CDC27: variants seen among roughly 807,000 people sequenced by gnomAD.
The protein encoded by CDC27 is cell division cycle 27.
CDC27 carries 27 observed loss-of-function variants against 109.7 expected under a neutral mutation model. The observed-to-expected ratio is 0.25, with a 90% CI of 0.18 to 0.34. CDC27 has a LOEUF of 0.34. CDC27 is among the 10% of genes least tolerant of loss of function. The pLI is 1.00. For synonymous variants in CDC27, 266 were observed against 333.9 expected (o/e 0.80, Z 2.22); for missense variants, 579 against 960.2 (o/e 0.60, Z 5.25).
chr17:47,154,597 G>A, intron 8 of CDC27, 75 bp downstream of exon 8: 1 of 765,116 alleles, frequency 1.3e-6, no homozygotes, highest in Non-Finnish European at 2.2e-6. Context: ...GATTTTCCCT[G>A]AGATTACCTT....
In CDC27 at chr17:47,157,078, AAGG is replaced by A; in HGVS notation, c.674_676del (p.Ser225del). 1 of 1,596,764 alleles carries A rather than the reference AAGG, an allele frequency of 6.3e-7. No individual in the cohort carries two copies. The highest frequency in any genetic ancestry group is 8.5e-7 in the Non-Finnish European group (1 of 1,171,058). On this transcript the variant is annotated inframe_deletion, in exon 7 of 19. Transcript: ENST00000066544. ...ATAAGACACTGAGGAATCTGTATTC[AAGG>A]AGTACTTTGAATTGGAAGATTCTAA... is the stretch of plus-strand genomic sequence containing the variant.
At chr17:47,125,293 C>G (rs1160905606) in intron 16 of CDC27, among the ~76,000 whole-genome samples, 1 of 116,960 alleles carries the variant, frequency 8.5e-6, no homozygotes, top group Non-Finnish European at 1.6e-5. Context: ...ATCACCCAGG[C>G]TGGAGTGTGG....
At chr17:47,188,921 C>A in intron 1 of CDC27, 1 of 1,385,126 alleles carries the variant, frequency 7.2e-7, no homozygotes, top group Non-Finnish European at 9.4e-7. Context: ...CGGTTATTTT[C>A]GCCGAAGCCG....
intron 4 of CDC27, among the ~76,000 whole-genome samples, chr17:47,158,563 T>C (rs1310299697): frequency 6.6e-6 from 1 of 152,072 alleles, no homozygotes; most frequent in Non-Finnish European, 1.5e-5. Flanking sequence ...TCCTGTCAGA[T>C]ACTAGAGTTA....
In CDC27 at chr17:47,141,760, C is replaced by G. The variant is rs2062799608; in HGVS notation, c.1551+93G>C. 1.0e-5 allele frequency: 7 copies of G among 682,134 alleles called. No individual in the cohort carries two copies. The South Asian group carries it at 1.5e-4, about 15-fold the overall frequency. 42.3% of individuals were successfully genotyped at this position (682,134 alleles called of 1,614,324 possible). A position where few individuals can be genotyped will look rare whatever the true frequency, so the allele number is the denominator to read the frequency against. ...TAGACATTACATAATAAATACTGAT[C>G]TTTTAGATCTAGCCTTCTTAAGCAT... On this transcript the variant is annotated intron_variant, in intron 12 of 18. Coordinates refer to ENST00000066544, the MANE Select transcript of CDC27 (RefSeq NM_001256.6).
At position 47,120,028 on chromosome 17, in the gene CDC27, G is replaced by A. The variant is rs1167744410; in HGVS notation, c.*907C>T. 6.6e-6 allele frequency: 1 copy of A among 152,102 alleles called. No individual in the cohort carries two copies. The highest frequency in any genetic ancestry group is 1.5e-5 in the Non-Finnish European group (1 of 68,004). 9.4% of individuals were successfully genotyped at this position (152,102 alleles called of 1,614,324 possible). ...TATGGTACAATTCTGATTATATTAA[G>A]GCTTTCACTATCATGATCTCTTAAA... On this transcript the variant is annotated 3_prime_UTR_variant, in exon 19 of 19. Transcript: ENST00000066544.
At chr17:47,181,321 CCTAAAG>C (rs1335405239) in intron 2 of CDC27, 2 of 107,914 alleles carry the variant, frequency 1.9e-5, no homozygotes, top group African/African-American at 8.8e-5. Flanking sequence ...GAAAAAAAAA[CCTAAAG>C]ATTGAAAAAT....
chr17:47,172,523 G>GA (rs1348507725), intron 2 of CDC27, among the ~76,000 whole-genome samples: 1 of 151,894 alleles, frequency 6.6e-6, no homozygotes, highest in Non-Finnish European at 1.5e-5. Context: ...AGACCAGATT[G>GA]AAAAAAATCC....
In CDC27 at chr17:47,169,950, C is replaced by A; in HGVS notation, c.344G>T (p.Cys115Phe). 6.3e-7 allele frequency: 1 copy of A among 1,597,750 alleles called. No homozygotes were observed. The highest frequency in any genetic ancestry group is 8.5e-7 in the Non-Finnish European group (1 of 1,172,928). The change falls in exon 4 of 19, where the codon TGC (cysteine) becomes TTC (phenylalanine). Residue 115 changes from cysteine to phenylalanine, a missense_variant. By Grantham distance (205) the Cys-to-Phe change is radical. Transcript: ENST00000066544. ...DIVTEFGDSACFTLSLLGHVY... is the reference protein window; with the variant it reads ...DIVTEFGDSAFFTLSLLGHVY... ...ATGTCCCAACAATGAAAGAGTAAAG[C>A]AAGCTGAATCACCAAACTCAGTAAC...
chr17:47,185,497 A>T (rs1050850409), intron 1 of CDC27, among the ~76,000 whole-genome samples: 3 of 152,104 alleles, frequency 2.0e-5, no homozygotes, highest in African/African-American at 7.2e-5. Context: ...ATCATTATAA[A>T]TTTTTTGTTA....
At chr17:47,166,197 A>G in intron 4 of CDC27, among the ~76,000 whole-genome samples, 1 of 152,178 alleles carries the variant, frequency 6.6e-6, no homozygotes. Flanking sequence ...ATGTGGCCTC[A>G]TGAGTAGAGG....
chr17:47,163,391 A>T (rs573180762), intron 4 of CDC27, among the ~76,000 whole-genome samples: 34 of 152,284 alleles, frequency 2.2e-4, no homozygotes, highest in Non-Finnish European at 4.1e-4. Context: ...CAATCTTTTA[A>T]TCTTGATGAT....
intron 4 of CDC27, chr17:47,159,314 CG>C: frequency 4.5e-6 from 3 of 663,350 alleles, no homozygotes; most frequent in Non-Finnish European, 7.3e-6. Flanking sequence ...TCCAGAGGTC[CG>C]GGGTCAGGTA....
Position 47,137,323 on chromosome 17 carries a change from C to T in CDC27, c.1742G>A (p.Arg581Gln), listed in dbSNP as rs1216224989. 5.6e-6 allele frequency: 9 copies of T among 1,606,754 alleles called. No individual in the cohort carries two copies. Among genetic ancestry groups the T allele is most frequent in the African/African-American group, 2.7e-5 (2 of 74,688 alleles). ...GAATTTAATTGCAATATCATGTTCC[C>T]GTTGCAGACTGAAACAGTTCCCTGC... ...CAAGNCFSLQREHDIAIKFFQ... is the reference protein window; with the variant it reads ...CAAGNCFSLQQEHDIAIKFFQ... The change falls in exon 14 of 19, where the codon CGG (arginine) becomes CAG (glutamine). Residue 581 changes from arginine (R) to glutamine (Q), a missense_variant. By Grantham distance (43) the Arg-to-Gln change is conservative. Transcript: ENST00000066544.
At chr17:47,123,772 A>G in intron 17 of CDC27, 114 bp downstream of exon 17, 1 of 637,156 alleles carries the variant, frequency 1.6e-6, no homozygotes. Context: ...CTCAGTTCGG[A>G]GCTTTAGTTT....
intron 4 of CDC27, among the ~76,000 whole-genome samples, chr17:47,167,528 C>T (rs755266844): frequency 2.6e-4 from 39 of 152,270 alleles, no homozygotes; most frequent in Non-Finnish European, 4.4e-4. Context: ...CTCTTCTTAA[C>T]CAGGCAGGAC....
At chr17:47,133,408 G>T (rs1378327830) in intron 14 of CDC27, among the ~76,000 whole-genome samples, 4 of 145,202 alleles carry the variant, frequency 2.8e-5, no homozygotes, top group Non-Finnish European at 6.0e-5. Context: ...AAAGTGCTGG[G>T]ACTACAGGTG....
chr17:47,124,360 T>A (rs2062072734), intron 16 of CDC27, among the ~76,000 whole-genome samples: 1 of 152,174 alleles, frequency 6.6e-6, no homozygotes, highest in African/African-American at 2.4e-5. Context: ...CTCTGCTCTC[T>A]GCAATCTCCG....
chr17:47,179,119 G>A (rs886838213), intron 2 of CDC27, among the ~76,000 whole-genome samples: 10 of 152,084 alleles, frequency 6.6e-5, no homozygotes, highest in South Asian at 4.1e-4. Context: ...GTCTCAGGCC[G>A]ACTATAAATC....
Sources: gnomAD v4.1 joint callset for allele counts (sites outside exome capture counted in the v4.1 genomes callset) on GRCh38, gnomAD v4.1.1 for gene constraint, MANE v1.5 for transcripts, NCBI Gene and HGNC (gene_info 2026-07-23, HGNC 2026-07-21) for gene names.